CCDC102B: variants seen among roughly 807,000 people sequenced by gnomAD.
The protein encoded by CCDC102B is coiled-coil domain containing 102B.
A neutral mutation model predicts 57.4 loss-of-function variants in CCDC102B; 75 were observed. That is an observed-to-expected ratio of 1.31 (90% confidence interval 1.08 to 1.58). The LOEUF (loss-of-function observed/expected upper bound fraction) is 1.58. CCDC102B is among the 40% of genes most tolerant of loss of function. CCDC102B has a pLI of 0.00. For missense variants in CCDC102B, 636 were observed against 582.6 expected (o/e 1.09, Z -0.94); for synonymous variants, 206 against 201.9 (o/e 1.02, Z -0.17).
chr18:68,912,298 G>A (rs2040903895), intron 6 of CCDC102B, among the ~76,000 whole-genome samples: 1 of 152,130 alleles, frequency 6.6e-6, no homozygotes. Flanking sequence ...TGTAAGTACT[G>A]TTTTAGACAG....
intron 6 of CCDC102B, among the ~76,000 whole-genome samples, chr18:68,976,829 G>T (rs973586277): frequency 4.0e-5 from 6 of 151,624 alleles, no homozygotes; most frequent in Non-Finnish European, 8.8e-5. Flanking sequence ...ACTTATATTG[G>T]CAGGAGACTT....
intron 6 of CCDC102B, among the ~76,000 whole-genome samples, chr18:68,941,369 A>G (rs2049376543): frequency 1.3e-5 from 2 of 152,150 alleles, no homozygotes; most frequent in Non-Finnish European, 2.9e-5. Context: ...TGTCTTATTT[A>G]TTAAGGATCT....
At chr18:68,835,926 G>T (rs1258878464) in intron 1 of CCDC102B, among the ~76,000 whole-genome samples, 1 of 152,160 alleles carries the variant, frequency 6.6e-6, no homozygotes, top group Non-Finnish European at 1.5e-5. Flanking sequence ...CCCTATGGCT[G>T]CCTTGAGACT....
intron 1 of CCDC102B, among the ~76,000 whole-genome samples, chr18:68,803,335 G>T (rs1599483950): frequency 6.6e-6 from 1 of 152,134 alleles, no homozygotes; most frequent in South Asian, 2.1e-4. Context: ...ATATAGTCTA[G>T]CTGGTAAAGC....
intron 2 of CCDC102B, among the ~76,000 whole-genome samples, chr18:68,763,045 T>A (rs1371354839): frequency 7.2e-5 from 11 of 152,128 alleles, no homozygotes; most frequent in Admixed American, 6.6e-4. Flanking sequence ...ATTTCTGATA[T>A]TTTAGACGTG....
intron 6 of CCDC102B, among the ~76,000 whole-genome samples, chr18:68,925,296 T>C (rs1307694911): frequency 6.6e-6 from 1 of 151,918 alleles, no homozygotes; most frequent in East Asian, 1.9e-4. Context: ...CTCCCCAGAG[T>C]CTGATAAATC....
intron 4 of CCDC102B, among the ~76,000 whole-genome samples, chr18:68,852,697 C>T (rs1456968460): frequency 6.6e-6 from 1 of 152,028 alleles, no homozygotes; most frequent in African/African-American, 2.4e-5. Flanking sequence ...CTTTATTTAA[C>T]TTACTGTTTA....
chr18:68,897,209 C>T lies in CCDC102B; in HGVS notation c.1054-10C>T. On this transcript the variant is annotated splice_polypyrimidine_tract_variant and intron_variant, in intron 5 of 7. Coordinates refer to ENST00000360242, the MANE Select transcript of CCDC102B (RefSeq NM_024781.3). ...GCTGCATGCTGCTTCTTTGTGTTTTCTGTGTGTAGCTAGAGAGATTGCAAG... is the reference window on the plus strand; with the variant it reads ...GCTGCATGCTGCTTCTTTGTGTTTTTTGTGTGTAGCTAGAGAGATTGCAAG... The T allele has an allele frequency of 6.2e-7, 1 of 1,600,040 alleles. No homozygotes were observed. The highest frequency in any genetic ancestry group is 8.5e-7 in the Non-Finnish European group (1 of 1,173,868).
At chr18:69,036,275 C>T (rs1290672675) in intron 7 of CCDC102B, among the ~76,000 whole-genome samples, 3 of 151,852 alleles carry the variant, frequency 2.0e-5, no homozygotes, top group East Asian at 1.9e-4. Flanking sequence ...ATCATTGTCC[C>T]CAAATTATGA....
At chr18:68,743,830 A>G (rs1599397514) in intron 2 of CCDC102B, among the ~76,000 whole-genome samples, 1 of 152,192 alleles carries the variant, frequency 6.6e-6, no homozygotes, top group African/African-American at 2.4e-5. Context: ...TTTAGAAGAA[A>G]GAAACTTCAA....
rs142260764 is a variant in CCDC102B at position 69,034,085 on chromosome 18, T to A, written c.1435-19945T>A. Reference sequence around the variant, plus strand: ...GTTGTGGTTTTTTTAATTACTATTATTTTGGATACAAGTCCCTTCTCAGAT... The same window carrying A: ...GTTGTGGTTTTTTTAATTACTATTAATTTGGATACAAGTCCCTTCTCAGAT... On this transcript the variant is annotated intron_variant, in intron 7 of 7. Coordinates refer to ENST00000360242, the MANE Select transcript of CCDC102B (RefSeq NM_024781.3). Among the ~76,000 whole-genome samples, 414 of 152,122 alleles carry A rather than the reference T, an allele frequency of 2.7e-3. 1 individual carries two copies. Among genetic ancestry groups the A allele is most frequent in the Non-Finnish European group, 4.6e-3 (315 of 67,906 alleles).
In CCDC102B at chr18:68,955,624, T is replaced by C. The variant is rs564493809; in HGVS notation, c.1264-55310T>C. Among the ~76,000 whole-genome samples, 239 of 146,796 alleles carry C rather than the reference T, an allele frequency of 1.6e-3. 3 individuals are homozygous for C. The highest frequency in any genetic ancestry group is 5.7e-3 in the African/African-American group (229 of 40,280). On this transcript the variant is annotated intron_variant, in intron 6 of 7. Transcript: ENST00000360242. ...AAATTTAAATTTCTTCACCTTTTCC[T>C]TTTTTGTTTTTTTGCTTTAATTACC...
intron 6 of CCDC102B, among the ~76,000 whole-genome samples, chr18:68,959,479 C>G (rs2049991583): frequency 6.6e-6 from 1 of 152,024 alleles, no homozygotes; most frequent in African/African-American, 2.4e-5. Flanking sequence ...TGAATCTTGT[C>G]CAAGGCCCGC....
intron 7 of CCDC102B, among the ~76,000 whole-genome samples, chr18:69,017,339 G>T (rs2051698707): frequency 6.6e-6 from 1 of 151,970 alleles, no homozygotes; most frequent in African/African-American, 2.4e-5. Flanking sequence ...TGCCCAGGCT[G>T]GTCTTGAACT....
chr18:69,009,547 A>G (rs896319656), intron 6 of CCDC102B, among the ~76,000 whole-genome samples: 2 of 152,126 alleles, frequency 1.3e-5, no homozygotes, highest in East Asian at 1.9e-4. Flanking sequence ...ACTGTGATTG[A>G]ATTTATCATT....
At chr18:69,015,240 T>G (rs1157174308) in intron 7 of CCDC102B, among the ~76,000 whole-genome samples, 2 of 152,318 alleles carry the variant, frequency 1.3e-5, no homozygotes, top group East Asian at 3.9e-4. Context: ...CACAAAACCT[T>G]ATAATTTTCT....
intron 4 of CCDC102B, among the ~76,000 whole-genome samples, chr18:68,858,591 A>G (rs2038590308): frequency 6.6e-6 from 1 of 152,148 alleles, no homozygotes; most frequent in Non-Finnish European, 1.5e-5. Context: ...AGGGTGGGCT[A>G]TTGGAAAAGT....
intron 1 of CCDC102B, among the ~76,000 whole-genome samples, chr18:68,829,039 T>G (rs922612332): frequency 6.6e-6 from 1 of 152,006 alleles, no homozygotes; most frequent in South Asian, 2.1e-4. Flanking sequence ...AAGAAAAAAC[T>G]ATCTTGCCCA....
At chr18:68,758,424 A>G (rs2034131340) in intron 2 of CCDC102B, among the ~76,000 whole-genome samples, 3 of 152,038 alleles carry the variant, frequency 2.0e-5, no homozygotes, top group African/African-American at 7.2e-5. Flanking sequence ...TATTTCTTTG[A>G]GAGTAAAGAA....
Sources: allele counts gnomAD v4.1 joint callset (sites outside exome capture counted in the v4.1 genomes callset), GRCh38; gene constraint gnomAD v4.1.1; transcripts MANE v1.5; gene names NCBI Gene and HGNC (gene_info 2026-07-23, HGNC 2026-07-21).